Variants in CNTN3 observed in about 807,000 individuals in gnomAD.
CNTN3 encodes contactin 3, also known as contactin-3.
CNTN3 carries 60 observed loss-of-function variants against 119.1 expected under a neutral mutation model. That is an observed-to-expected ratio of 0.50 (90% confidence interval 0.41 to 0.62). The LOEUF is 0.62. Ranked by LOEUF, CNTN3 falls within the 20% of genes least tolerant of loss-of-function variation. The pLI is 0.00. For missense variants in CNTN3, 1,101 were observed against 1,242.4 expected, an observed-to-expected ratio of 0.89 and a Z score of 1.71; for synonymous variants, 450 against 438.7, an observed-to-expected ratio of 1.03 and a Z score of -0.32.
At chr3:74,521,008 C>T in intron 2 of CNTN3, 50 bp downstream of exon 2, 1 of 1,098,478 alleles carries the variant, frequency 9.1e-7, no homozygotes, top group Non-Finnish European at 1.3e-6. Context: ...AAGCATATGA[C>T]TCGAGTATAC....
chr3:74,394,589 G>C (rs571283512), intron 5 of CNTN3, among the ~76,000 whole-genome samples: 43 of 152,184 alleles, frequency 2.8e-4, no homozygotes, highest in African/African-American at 1.0e-3. Flanking sequence ...GCAAAGAAAA[G>C]TAAACACTAA....
chr3:74,454,586 G>A (rs550575199), intron 4 of CNTN3, among the ~76,000 whole-genome samples: 3 of 152,074 alleles, frequency 2.0e-5, no homozygotes, highest in Admixed American at 6.5e-5. Context: ...CTCGTTAGTT[G>A]ATGCAGTTTC....
At chr3:74,372,786 G>A (rs141631512) in intron 5 of CNTN3, among the ~76,000 whole-genome samples, 2 of 152,150 alleles carry the variant, frequency 1.3e-5, no homozygotes, top group Non-Finnish European at 2.9e-5. Flanking sequence ...AGGAAGGACA[G>A]GTGCCATTCT....
intron 5 of CNTN3, 140 bp from the exon 6 acceptor site, chr3:74,371,539 G>C: frequency 3.2e-6 from 2 of 625,588 alleles, no homozygotes; most frequent in Non-Finnish European, 5.6e-6. Flanking sequence ...AAGAGAAGCA[G>C]TTAAGTGAAA....
chr3:74,469,822 C>T (rs1702527974), intron 4 of CNTN3, among the ~76,000 whole-genome samples: 2 of 152,016 alleles, frequency 1.3e-5, no homozygotes, highest in African/African-American at 2.4e-5. Flanking sequence ...GTAGAGTTAT[C>T]CTAAAACCTA....
intron 4 of CNTN3, among the ~76,000 whole-genome samples, chr3:74,481,468 T>G (rs984667960): frequency 6.6e-6 from 1 of 151,754 alleles, no homozygotes; most frequent in Non-Finnish European, 1.5e-5. Flanking sequence ...AAACTCCACA[T>G]GTTTGGAAAT....
chr3:74,325,476 A>G (rs895052767), intron 13 of CNTN3, among the ~76,000 whole-genome samples: 8 of 152,170 alleles, frequency 5.3e-5, no homozygotes, highest in Non-Finnish European at 8.8e-5. Flanking sequence ...GGGGGTAATG[A>G]GATATGGCTT....
At chr3:74,407,241 A>G (rs1275445794) in intron 5 of CNTN3, among the ~76,000 whole-genome samples, 1 of 151,320 alleles carries the variant, frequency 6.6e-6, no homozygotes. Context: ...ATGTGGGTAA[A>G]GTATAGCCAG....
intron 20 of CNTN3, among the ~76,000 whole-genome samples, chr3:74,277,248 C>A (rs1441512339): frequency 6.6e-6 from 1 of 151,868 alleles, no homozygotes; most frequent in Non-Finnish European, 1.5e-5. Context: ...AAAGACTGAA[C>A]CCTCCCTAAT....
chr3:74,340,200 G>A (rs181751596), intron 11 of CNTN3, among the ~76,000 whole-genome samples: 11 of 152,262 alleles, frequency 7.2e-5, no homozygotes, highest in Non-Finnish European at 1.2e-4. Flanking sequence ...AAGGGCTTGA[G>A]CATCCATGGG....
At chr3:74,319,956 T>A (rs543045) in intron 13 of CNTN3, among the ~76,000 whole-genome samples, 43,620 of 151,850 alleles carry the variant, frequency 0.29, 6,927 homozygotes, top group East Asian at 0.68. Flanking sequence ...TGCAAATCAA[T>A]ACCACAATGA....
At chr3:74,613,842 A>G (rs950113164) in intron 1 of CNTN3, among the ~76,000 whole-genome samples, 5 of 152,222 alleles carry the variant, frequency 3.3e-5, no homozygotes, top group African/African-American at 9.6e-5. Context: ...GCAGCAGGGT[A>G]AACCTGACAA....
chr3:74,484,163 C>T (rs1204072173), intron 4 of CNTN3, among the ~76,000 whole-genome samples: 4 of 152,112 alleles, frequency 2.6e-5, no homozygotes, highest in Non-Finnish European at 4.4e-5. Flanking sequence ...CTTCACAGGG[C>T]AAAGACTGCA....
intron 5 of CNTN3, among the ~76,000 whole-genome samples, chr3:74,403,378 T>A (rs1425512783): frequency 6.6e-6 from 1 of 152,172 alleles, no homozygotes; most frequent in African/African-American, 2.4e-5. Flanking sequence ...GAATTAATCA[T>A]CATAGCAACT....
At chr3:74,586,920 T>C (rs1230257494) in intron 1 of CNTN3, among the ~76,000 whole-genome samples, 1 of 152,086 alleles carries the variant, frequency 6.6e-6, no homozygotes, top group Non-Finnish European at 1.5e-5. Flanking sequence ...CTGTAGTGTT[T>C]GCCTGCCTAG....
chr3:74,528,764 T>C (rs1703655075), intron 1 of CNTN3, among the ~76,000 whole-genome samples: 1 of 151,926 alleles, frequency 6.6e-6, no homozygotes, highest in South Asian at 2.1e-4. Context: ...TCTGTATTAA[T>C]ATAACCGGCA....
chr3:74,613,384 C>A (rs1354339814), intron 1 of CNTN3, among the ~76,000 whole-genome samples: 1 of 151,878 alleles, frequency 6.6e-6, no homozygotes, highest in African/African-American at 2.4e-5. Flanking sequence ...ATCACGCCCT[C>A]CTTGTCTGTT....
At chr3:74,485,644 A>G (rs1702842004) in intron 4 of CNTN3, among the ~76,000 whole-genome samples, 1 of 152,080 alleles carries the variant, frequency 6.6e-6, no homozygotes, top group Non-Finnish European at 1.5e-5. Context: ...AGAATTATTG[A>G]GGTGTGAATA....
At chr3:74,564,468 G>A (rs995576012) in intron 1 of CNTN3, among the ~76,000 whole-genome samples, 2 of 151,570 alleles carry the variant, frequency 1.3e-5, no homozygotes, top group South Asian at 2.1e-4. Context: ...GATTAGATAT[G>A]TGTGTTTGCT....
Sources: allele counts gnomAD v4.1 joint callset (sites outside exome capture counted in the v4.1 genomes callset), GRCh38; gene constraint gnomAD v4.1.1; transcripts MANE v1.5; gene names NCBI Gene and HGNC (gene_info 2026-07-23, HGNC 2026-07-21).